The following MACROD2 variants were observed in gnomAD, a reference collection of about 807,000 sequenced individuals.
MACROD2 encodes the protein ADP-ribose glycohydrolase MACROD2.
MACROD2 carries 36 observed loss-of-function variants against 70.4 expected under a neutral mutation model. The observed-to-expected ratio is 0.51, with a 90% CI of 0.39 to 0.68. MACROD2 has a LOEUF of 0.68. Ranked by LOEUF, MACROD2 falls within the 30% of genes least tolerant of loss-of-function variation. The pLI is 0.00. For missense variants in MACROD2, 496 were observed against 538.4 expected (o/e 0.92, Z 0.78); for synonymous variants, 172 against 178.8 (o/e 0.96, Z 0.30).
intron 5 of MACROD2, among the ~76,000 whole-genome samples, chr20:15,206,345 C>T (rs1225682352): frequency 6.6e-6 from 1 of 152,106 alleles, no homozygotes; most frequent in African/African-American, 2.4e-5. Flanking sequence ...CTTTGAAAAT[C>T]ATAGGTTGGA....
At chr20:14,924,232 G>A (rs1229033759) in intron 5 of MACROD2, among the ~76,000 whole-genome samples, 1 of 151,932 alleles carries the variant, frequency 6.6e-6, no homozygotes, top group African/African-American at 2.4e-5. Flanking sequence ...AGGCTGAGGC[G>A]GGTGCATCAC....
rs1252050225 is a variant in MACROD2, at chr20:14,674,654, C to G, written c.302-10189C>G. Among the ~76,000 whole-genome samples, 4 of 152,176 alleles carry G rather than the reference C, an allele frequency of 2.6e-5. No homozygotes were observed. The East Asian group carries it at 7.7e-4, about 29-fold the overall frequency. On this transcript the variant is annotated intron_variant, in intron 4 of 17. Coordinates refer to ENST00000684519, the MANE Select transcript of MACROD2 (RefSeq NM_001351661.2). Reference sequence around the variant, plus strand: ...CTAAAAAGTGAAAGCTTTCAAGTCACTTAGCACACCAGTGGGCACACAGCA... The same window carrying G: ...CTAAAAAGTGAAAGCTTTCAAGTCAGTTAGCACACCAGTGGGCACACAGCA...
intron 3 of MACROD2, among the ~76,000 whole-genome samples, chr20:14,256,345 TAACTC>T (rs1315993173): frequency 6.6e-6 from 1 of 152,222 alleles, no homozygotes; most frequent in Admixed American, 6.5e-5. Flanking sequence ...TCATGACTGA[TAACTC>T]TATTATATGA....
intron 5 of MACROD2, among the ~76,000 whole-genome samples, chr20:15,139,131 A>T (rs1001610087): frequency 6.6e-6 from 1 of 152,176 alleles, no homozygotes; most frequent in Non-Finnish European, 1.5e-5. Context: ...GGCCCCTGTG[A>T]ATATCATCTG....
chr20:15,231,863 T>G (rs1344213689), intron 6 of MACROD2, among the ~76,000 whole-genome samples: 2 of 152,018 alleles, frequency 1.3e-5, no homozygotes, highest in African/African-American at 4.8e-5. Flanking sequence ...TACATATTAC[T>G]TGAATGAAAT....
At chr20:15,744,505 C>T (rs889465237) in intron 8 of MACROD2, among the ~76,000 whole-genome samples, 4 of 152,102 alleles carry the variant, frequency 2.6e-5, no homozygotes, top group African/African-American at 9.7e-5. Flanking sequence ...TAAATGCCTT[C>T]CCTGGTGAAA....
intron 6 of MACROD2, among the ~76,000 whole-genome samples, chr20:15,288,871 A>G (rs747627645): frequency 2.8e-4 from 28 of 101,588 alleles, no homozygotes; most frequent in African/African-American, 8.0e-4. Context: ...CTGTCTGTCT[A>G]TCTATCTATC....
intron 8 of MACROD2, among the ~76,000 whole-genome samples, chr20:15,582,364 C>T (rs2048537130): frequency 6.6e-6 from 1 of 152,166 alleles, no homozygotes; most frequent in Non-Finnish European, 1.5e-5. Context: ...CTGTATTCAG[C>T]TAGACCCTGG....
chr20:15,908,832 C>T (rs1054543546), intron 10 of MACROD2, among the ~76,000 whole-genome samples: 1 of 152,188 alleles, frequency 6.6e-6, no homozygotes, highest in Non-Finnish European at 1.5e-5. Context: ...GCATGCTTGA[C>T]ATTTCTCTTG....
rs113672770 is a variant in MACROD2, at chr20:14,801,138, A to G, written c.418+116179A>G. Among the ~76,000 whole-genome samples the G allele has an allele frequency of 2.5e-3, 374 of 152,314 alleles. 4 individuals are homozygous for G. The highest frequency in any genetic ancestry group is 8.7e-3 in the African/African-American group (362 of 41,564). ...GCTTAATTTAAAATGAAGCTGGTGGAAAACTTTTCCCTAATTGGGATATTT... is the reference window on the plus strand; with the variant it reads ...GCTTAATTTAAAATGAAGCTGGTGGGAAACTTTTCCCTAATTGGGATATTT... On this transcript the variant is annotated intron_variant, in intron 5 of 17. Coordinates refer to ENST00000684519, the MANE Select transcript of MACROD2 (RefSeq NM_001351661.2).
At chr20:15,986,992 A>G in intron 14 of MACROD2, 74 bp from the exon 15 acceptor site, 1 of 1,331,498 alleles carries the variant, frequency 7.5e-7, no homozygotes, top group Non-Finnish European at 1.1e-6. Context: ...AACTTTCTAT[A>G]CCATAGTCAC....
chr20:14,456,624 C>T (rs1363371931), intron 3 of MACROD2, among the ~76,000 whole-genome samples: 1 of 150,856 alleles, frequency 6.6e-6, no homozygotes, highest in Non-Finnish European at 1.5e-5. Flanking sequence ...AAAATGTTAG[C>T]TGTTTTGAAT....
At chr20:14,583,639 ATACT>A (rs1981186474) in intron 4 of MACROD2, among the ~76,000 whole-genome samples, 1 of 152,172 alleles carries the variant, frequency 6.6e-6, no homozygotes, top group Non-Finnish European at 1.5e-5. Context: ...CTCTGAGTCA[ATACT>A]TACTCATCTA....
At chr20:14,733,458 A>C (rs1355450788) in intron 5 of MACROD2, among the ~76,000 whole-genome samples, 1 of 152,174 alleles carries the variant, frequency 6.6e-6, no homozygotes, top group Admixed American at 6.6e-5. Context: ...TTGTATGATA[A>C]AAATATTTTA....
chr20:14,605,772 C>T (rs138715816), intron 4 of MACROD2, among the ~76,000 whole-genome samples: 27 of 151,716 alleles, frequency 1.8e-4, no homozygotes, highest in Non-Finnish European at 3.7e-4. Flanking sequence ...TGAATCTTGA[C>T]TTATTGTTTT....
At chr20:15,534,966 T>C (rs1414629288) in intron 8 of MACROD2, among the ~76,000 whole-genome samples, 1 of 152,128 alleles carries the variant, frequency 6.6e-6, no homozygotes, top group East Asian at 1.9e-4. Flanking sequence ...TAAAATCAAA[T>C]ATAAAAAACA....
At chr20:15,025,647 G>T (rs772086088) in intron 5 of MACROD2, among the ~76,000 whole-genome samples, 6 of 152,062 alleles carry the variant, frequency 3.9e-5, no homozygotes, top group African/African-American at 7.2e-5. Flanking sequence ...TGTACAGTAG[G>T]GTTTCTCAGT....
At chr20:14,954,466 A>ATT (rs2074501578) in intron 5 of MACROD2, among the ~76,000 whole-genome samples, 1 of 143,754 alleles carries the variant, frequency 7.0e-6, no homozygotes, top group African/African-American at 2.5e-5. Context: ...TGGAATTGAA[A>ATT]TTATATATAT....
intron 10 of MACROD2, among the ~76,000 whole-genome samples, chr20:15,904,150 G>C (rs1036876030): frequency 3.3e-5 from 5 of 152,136 alleles, no homozygotes; most frequent in African/African-American, 1.2e-4. Context: ...AGCGCACCCC[G>C]AGGCCAAAGT....
Sources: allele counts gnomAD v4.1 joint callset (sites outside exome capture counted in the v4.1 genomes callset), GRCh38; gene constraint gnomAD v4.1.1; transcripts MANE v1.5; gene names NCBI Gene and HGNC (gene_info 2026-07-23, HGNC 2026-07-21).